CSMD1: variants seen among roughly 807,000 people sequenced by gnomAD.
The protein encoded by CSMD1 is CUB and Sushi multiple domains 1.
Under a neutral mutation model 417.5 loss-of-function variants are expected in CSMD1, and 213 were observed. The observed-to-expected ratio is 0.51, with a 90% CI of 0.46 to 0.57. CSMD1 has a LOEUF of 0.57. Among genes scored for constraint, CSMD1 ranks in the 20% least tolerant of loss-of-function variants. The pLI, the probability that CSMD1 is intolerant of heterozygous loss-of-function variation, is 0.00. For synonymous variants in CSMD1, 2,862 were observed against 1,736.8 expected (o/e 1.65, Z -16.11); for missense variants, 6,923 against 4,529.7 (o/e 1.53, Z -15.17).
rs528754959 is a variant in CSMD1, at chr8:3,240,979, G to A, written c.4154-10748C>T. On this transcript the variant is annotated intron_variant, in intron 26 of 69. Transcript: ENST00000635120. ...GGGATATTGGCATTGAGCAGGGTAA[G>A]GGTGATTAGTTTTTAATGAGATGAT... 5.7e-3 allele frequency among the ~76,000 whole-genome samples: 860 copies of A among 151,580 alleles called. 11 individuals are homozygous for A. The highest frequency in any genetic ancestry group is 0.02 in the African/African-American group (829 of 41,302).
At chr8:3,889,953 T>G (rs932692734) in intron 5 of CSMD1, among the ~76,000 whole-genome samples, 2 of 152,006 alleles carry the variant, frequency 1.3e-5, no homozygotes, top group Non-Finnish European at 2.9e-5. Context: ...ATGGCTGAGG[T>G]GGGAGGATTG....
intron 1 of CSMD1, among the ~76,000 whole-genome samples, chr8:4,836,791 C>T (rs555424796): frequency 2.8e-4 from 43 of 152,044 alleles, no homozygotes; most frequent in African/African-American, 1.0e-3. Flanking sequence ...TGTGGACACA[C>T]TGATGTAATC....
intron 3 of CSMD1, among the ~76,000 whole-genome samples, chr8:4,100,023 G>A (rs770304496): frequency 3.0e-4 from 46 of 152,202 alleles, no homozygotes; most frequent in Non-Finnish European, 5.4e-4. Context: ...ATGACTTCCA[G>A]AAGAAGATAT....
In CSMD1 at chr8:3,859,366, A is replaced by G. The variant is rs372196075; in HGVS notation, c.819-105324T>C. 3.3e-5 allele frequency among the ~76,000 whole-genome samples: 5 copies of G among 152,326 alleles called. 1 individual carries two copies. On this transcript the variant is annotated intron_variant, in intron 5 of 69. Coordinates refer to ENST00000635120, the MANE Select transcript of CSMD1 (RefSeq NM_033225.6). Reference sequence around the variant, plus strand: ...TCTCCATAATATTTTAGGTCCAGAAATACTTCTTTTTATAAATATCTTTGG... The same window carrying G: ...TCTCCATAATATTTTAGGTCCAGAAGTACTTCTTTTTATAAATATCTTTGG...
chr8:4,156,397 A>T (rs1275873884), intron 3 of CSMD1, among the ~76,000 whole-genome samples: 1 of 152,200 alleles, frequency 6.6e-6, no homozygotes, highest in Non-Finnish European at 1.5e-5. Context: ...AAGTCCATAA[A>T]ATTTCTCAAT....
intron 3 of CSMD1, among the ~76,000 whole-genome samples, chr8:4,110,319 C>G (rs945853230): frequency 1.3e-5 from 2 of 152,108 alleles, no homozygotes; most frequent in African/African-American, 4.8e-5. Context: ...TTCCCAGGAA[C>G]TTGTGAATTT....
chr8:3,924,882 C>T (rs1207242109), intron 5 of CSMD1, among the ~76,000 whole-genome samples: 4 of 152,038 alleles, frequency 2.6e-5, no homozygotes, highest in African/African-American at 7.2e-5. Flanking sequence ...GGGTTTGGTA[C>T]TGGTGCTTTG....
chr8:3,269,660 C>G (rs1416598575), intron 26 of CSMD1, among the ~76,000 whole-genome samples: 1 of 152,194 alleles, frequency 6.6e-6, no homozygotes. Flanking sequence ...CAGTGCCACA[C>G]TGAGCGTTTA....
chr8:4,134,807 CA>C (rs1803318764), intron 3 of CSMD1, among the ~76,000 whole-genome samples: 2 of 152,182 alleles, frequency 1.3e-5, no homozygotes, highest in African/African-American at 4.8e-5. Flanking sequence ...TTTATTTTAA[CA>C]CAAATTTTGT....
intron 1 of CSMD1, among the ~76,000 whole-genome samples, chr8:4,890,386 C>A (rs1299408750): frequency 3.9e-5 from 6 of 151,966 alleles, no homozygotes; most frequent in African/African-American, 1.5e-4. Flanking sequence ...GTCCTCACAG[C>A]CATGGGCATC....
intron 25 of CSMD1, among the ~76,000 whole-genome samples, chr8:3,294,210 G>C (rs540408755): frequency 6.8e-6 from 1 of 146,604 alleles, no homozygotes; most frequent in Non-Finnish European, 1.5e-5. Context: ...GTACCAGGCC[G>C]TGTGAGGTGT....
chr8:4,088,572 C>T (rs1800544945), intron 3 of CSMD1, among the ~76,000 whole-genome samples: 1 of 152,162 alleles, frequency 6.6e-6, no homozygotes, highest in Admixed American at 6.5e-5. Context: ...AATATCATTT[C>T]CTGAGACTAT....
intron 1 of CSMD1, among the ~76,000 whole-genome samples, chr8:4,966,209 CAAA>C (rs33941630): frequency 0.012 from 1,058 of 89,122 alleles, 8 homozygotes; most frequent in Non-Finnish European, 0.015. Flanking sequence ...ACTAAATATA[CAAA>C]AAAAAAAAAA....
At chr8:3,046,027 G>C (rs1374601573) in intron 50 of CSMD1, among the ~76,000 whole-genome samples, 1 of 152,094 alleles carries the variant, frequency 6.6e-6, no homozygotes, top group Non-Finnish European at 1.5e-5. Context: ...CTCCAAGTCG[G>C]CCTCTTTATC....
At chr8:3,846,273 C>A (rs190869705) in intron 5 of CSMD1, among the ~76,000 whole-genome samples, 22 of 152,278 alleles carry the variant, frequency 1.4e-4, no homozygotes, top group African/African-American at 4.8e-4. Flanking sequence ...ATTATGATCG[C>A]TACCATGTCA....
intron 2 of CSMD1, among the ~76,000 whole-genome samples, chr8:4,442,917 A>G (rs1798566035): frequency 6.6e-6 from 1 of 152,202 alleles, no homozygotes; most frequent in African/African-American, 2.4e-5. Flanking sequence ...TTATATAAAC[A>G]TAAATGATAT....
intron 1 of CSMD1, among the ~76,000 whole-genome samples, chr8:4,973,406 C>T (rs1027916512): frequency 6.6e-6 from 1 of 152,072 alleles, no homozygotes; most frequent in African/African-American, 2.4e-5. Flanking sequence ...ATTTGCTTGT[C>T]CTGAAGCATT....
intron 7 of CSMD1, among the ~76,000 whole-genome samples, chr8:3,681,594 C>A (rs1339825666): frequency 6.6e-6 from 1 of 152,082 alleles, no homozygotes; most frequent in Non-Finnish European, 1.5e-5. Context: ...GAGTAAATAT[C>A]GTCAAAATGG....
chr8:4,327,636 C>A lies in CSMD1; in HGVS notation c.415+92317G>T, dbSNP rs367763087. On this transcript the variant is annotated intron_variant, in intron 3 of 69. Transcript: ENST00000635120. ...GGGAAAAAGCCCCCAAAAACAACAACAACAAAAAACAACAAAAAGCTCCAC... is the reference window on the plus strand; with the variant it reads ...GGGAAAAAGCCCCCAAAAACAACAAAAACAAAAAACAACAAAAAGCTCCAC... Among the ~76,000 whole-genome samples the A allele has an allele frequency of 2.0e-5, 3 of 152,014 alleles. No homozygotes were observed. The South Asian group carries it at 6.2e-4, about 32-fold the overall frequency.
Sources: allele counts gnomAD v4.1 joint callset (sites outside exome capture counted in the v4.1 genomes callset), GRCh38; gene constraint gnomAD v4.1.1; transcripts MANE v1.5; gene names NCBI Gene and HGNC (gene_info 2026-07-23, HGNC 2026-07-21).